The following FRMD4A variants were observed in gnomAD, a reference collection of about 807,000 sequenced individuals.
FRMD4A encodes FERM domain containing 4A, also known as FERM domain-containing protein 4A.
Under a neutral mutation model 129.1 loss-of-function variants are expected in FRMD4A, and 29 were observed. The ratio of observed to expected loss-of-function variants is 0.22; its 90% CI spans 0.17 to 0.31. The LOEUF (loss-of-function observed/expected upper bound fraction) is 0.31, where lower values mean the gene tolerates loss of function less well. Among genes scored for constraint, FRMD4A ranks in the 10% least tolerant of loss-of-function variants. The pLI, the probability that FRMD4A is intolerant of heterozygous loss-of-function variation, is 1.00. For synonymous variants in FRMD4A, 634 were observed against 571.6 expected, an observed-to-expected ratio of 1.11 and a Z score of -1.56; for missense variants, 1,272 against 1,375.8, an observed-to-expected ratio of 0.92 and a Z score of 1.19.
intron 2 of FRMD4A, among the ~76,000 whole-genome samples, chr10:13,912,211 G>A (rs1325322133): frequency 1.3e-5 from 2 of 152,144 alleles, no homozygotes; most frequent in African/African-American, 2.4e-5. Flanking sequence ...AGACTAAAAA[G>A]CAGCTTCCTA....
chr10:14,234,527 C>T (rs1042875474), intron 2 of FRMD4A, among the ~76,000 whole-genome samples: 4 of 152,166 alleles, frequency 2.6e-5, no homozygotes, highest in Non-Finnish European at 4.4e-5. Flanking sequence ...AGATACAAGT[C>T]GGTGGCTCTA....
intron 2 of FRMD4A, among the ~76,000 whole-genome samples, chr10:13,960,247 G>A (rs764418552): frequency 6.6e-6 from 1 of 152,084 alleles, no homozygotes; most frequent in Non-Finnish European, 1.5e-5. Flanking sequence ...AATTTCCCCT[G>A]GAAACTGAAA....
intron 2 of FRMD4A, among the ~76,000 whole-genome samples, chr10:14,228,989 G>C (rs368470159): frequency 3.3e-5 from 5 of 151,972 alleles, no homozygotes; most frequent in African/African-American, 1.2e-4. Context: ...TATGCCCCAC[G>C]GTCTAACACG....
intron 2 of FRMD4A, among the ~76,000 whole-genome samples, chr10:13,879,898 A>G (rs1381359804): frequency 6.6e-6 from 1 of 151,450 alleles, no homozygotes; most frequent in Non-Finnish European, 1.5e-5. Context: ...CTCCTACCTC[A>G]GCCTCCCAAG....
intron 15 of FRMD4A, chr10:13,684,744 G>C (rs561507665): frequency 3.0e-6 from 3 of 985,032 alleles, no homozygotes; most frequent in Non-Finnish European, 2.4e-6. Flanking sequence ...TCAGAAGACA[G>C]AGAAGGGGTG....
chr10:13,794,508 G>A (rs949587769), intron 5 of FRMD4A, among the ~76,000 whole-genome samples: 1 of 152,102 alleles, frequency 6.6e-6, no homozygotes, highest in Non-Finnish European at 1.5e-5. Context: ...GACCATGGAA[G>A]GTCAAGGGAG....
At chr10:14,196,742 TA>T (rs1461643002) in intron 2 of FRMD4A, among the ~76,000 whole-genome samples, 1 of 152,240 alleles carries the variant, frequency 6.6e-6, no homozygotes, top group Admixed American at 6.5e-5. Context: ...AATCATTCAA[TA>T]AATGTTAACT....
At chr10:14,232,719 G>A (rs777602379) in intron 2 of FRMD4A, among the ~76,000 whole-genome samples, 10 of 152,154 alleles carry the variant, frequency 6.6e-5, no homozygotes, top group African/African-American at 1.2e-4. Flanking sequence ...ACTTGGCTCT[G>A]AGCTTGGATG....
rs180806551 is a variant in FRMD4A, at chr10:14,218,853, G to A, written c.45+111205C>T. The stretch of plus-strand genomic sequence containing the variant: ...ACCTGTAATCCCAGCTATTTGGGAG[G>A]CTGAGGCAGGAGGATCACTTGAACC... On this transcript the variant is annotated intron_variant, in intron 2 of 24. Coordinates refer to ENST00000357447, the MANE Select transcript of FRMD4A (RefSeq NM_018027.5). 7.3e-5 allele frequency among the ~76,000 whole-genome samples: 11 copies of A among 150,554 alleles called. No homozygotes were observed. In the East Asian group the frequency reaches 2.2e-3, roughly 30 times the overall value.
chr10:14,110,373 T>A (rs1001566878), intron 2 of FRMD4A, among the ~76,000 whole-genome samples: 1 of 152,160 alleles, frequency 6.6e-6, no homozygotes, highest in African/African-American at 2.4e-5. Flanking sequence ...AATTCCTTCT[T>A]GCCCATGATC....
At chr10:13,938,681 A>G (rs1343253717) in intron 2 of FRMD4A, among the ~76,000 whole-genome samples, 1 of 152,202 alleles carries the variant, frequency 6.6e-6, no homozygotes, top group Non-Finnish European at 1.5e-5. Flanking sequence ...GTGATCCTCC[A>G]CTAGGGGTGA....
chr10:13,868,177 A>C (rs2094398094), intron 2 of FRMD4A, among the ~76,000 whole-genome samples: 1 of 151,658 alleles, frequency 6.6e-6, no homozygotes, highest in Admixed American at 6.6e-5. Context: ...GGATCTACCC[A>C]AAACCTTTAA....
chr10:14,261,490 C>T (rs1433029756), intron 2 of FRMD4A, among the ~76,000 whole-genome samples: 2 of 152,144 alleles, frequency 1.3e-5, no homozygotes, highest in African/African-American at 2.4e-5. Context: ...TCTGAGGACT[C>T]AAATTAAAGC....
intron 2 of FRMD4A, chr10:14,008,284 A>G (rs953697419): frequency 5.8e-6 from 6 of 1,027,144 alleles, no homozygotes; most frequent in Non-Finnish European, 7.1e-6. Flanking sequence ...CAAATATCAA[A>G]TAACTGAAAG....
intron 2 of FRMD4A, among the ~76,000 whole-genome samples, chr10:14,218,264 C>T (rs1359649067): frequency 6.6e-6 from 1 of 152,198 alleles, no homozygotes; most frequent in East Asian, 1.9e-4. Flanking sequence ...CCTTCTTACC[C>T]ATATGCCCAT....
At chr10:14,013,439 AGGAGGAG>A (rs1458620237) in intron 2 of FRMD4A, among the ~76,000 whole-genome samples, 1 of 152,126 alleles carries the variant, frequency 6.6e-6, no homozygotes, top group Non-Finnish European at 1.5e-5. Context: ...TCCAGGCTGT[AGGAGGAG>A]GGAGAGGGAA....
rs111691563 is a variant in FRMD4A at position 14,050,703 on chromosome 10, C to T, written c.46-191791G>A. On this transcript the variant is annotated intron_variant, in intron 2 of 24. Coordinates refer to ENST00000357447, the MANE Select transcript of FRMD4A (RefSeq NM_018027.5). ...TCATGGCCAATGATTTAACCAACCACGCCTATGTAATGAAACTCCAATAAA... is the reference window on the plus strand; with the variant it reads ...TCATGGCCAATGATTTAACCAACCATGCCTATGTAATGAAACTCCAATAAA... Among the ~76,000 whole-genome samples the T allele has an allele frequency of 4.2e-3, 635 of 152,214 alleles. 8 individuals carry two copies. Among genetic ancestry groups the T allele is most frequent in the African/African-American group, 0.014 (577 of 41,522 alleles).
rs189622000 is a variant in FRMD4A at position 14,218,527 on chromosome 10, T to C, written c.45+111531A>G. Among the ~76,000 whole-genome samples the C allele has an allele frequency of 5.1e-4, 78 of 152,306 alleles. No individual in the cohort carries two copies. In the South Asian group the frequency reaches 6.4e-3, roughly 13 times the overall value. On this transcript the variant is annotated intron_variant, in intron 2 of 24. Coordinates refer to ENST00000357447, the MANE Select transcript of FRMD4A (RefSeq NM_018027.5). ...TCTCATGTCATCTCATGTGATTCGC[T>C]TACATTGCGGGAAGTCACAGGGCTG...
At position 13,878,788 on chromosome 10, in the gene FRMD4A, GAA is replaced by G. The variant is rs1491138907; in HGVS notation, c.46-19878_46-19877del. ...AAGAAAAGAAAGAGAGAGAGAGAGA[GAA>G]AGAGAGAAGGAGAGAAAGAGAGAGG... On this transcript the variant is annotated intron_variant, in intron 2 of 24. Transcript: ENST00000357447. Among the ~76,000 whole-genome samples the G allele has an allele frequency of 7.3e-4, 79 of 107,668 alleles. 1 individual carries two copies. Among genetic ancestry groups the G allele is most frequent in the African/African-American group, 1.2e-3 (32 of 27,152 alleles). 70.6% of individuals were successfully genotyped at this position (107,668 alleles called of 152,430 possible).
Sources: allele counts gnomAD v4.1 joint callset (sites outside exome capture counted in the v4.1 genomes callset), GRCh38; gene constraint gnomAD v4.1.1; transcripts MANE v1.5; gene names NCBI Gene and HGNC (gene_info 2026-07-23, HGNC 2026-07-21).